The following RSBN1L variants were observed in gnomAD, a reference collection of about 807,000 sequenced individuals.
The protein encoded by RSBN1L is lysine-specific demethylase RSBN1L.
In RSBN1L, 30 loss-of-function variants were observed where a neutral mutation model predicts 67.7. That is an observed-to-expected ratio of 0.44 (90% CI 0.33 to 0.60). The LOEUF (loss-of-function observed/expected upper bound fraction) is 0.60. Ranked by LOEUF, RSBN1L falls within the 20% of genes least tolerant of loss-of-function variation. The pLI, the probability that RSBN1L is intolerant of heterozygous loss-of-function variation, is 0.02. For synonymous variants in RSBN1L, 433 were observed against 387.0 expected (o/e 1.12, Z -1.39); for missense variants, 992 against 1,031.7 (o/e 0.96, Z 0.53).
intron 6 of RSBN1L, among the ~76,000 whole-genome samples, chr7:77,775,253 G>C (rs552180519): frequency 6.6e-6 from 1 of 152,276 alleles, no homozygotes; most frequent in African/African-American, 2.4e-5. Context: ...AGGAGAAACA[G>C]GCCAGGTGCA....
At chr7:77,770,954 T>G (rs1484550604) in intron 5 of RSBN1L, among the ~76,000 whole-genome samples, 1 of 152,192 alleles carries the variant, frequency 6.6e-6, no homozygotes, top group Non-Finnish European at 1.5e-5. Flanking sequence ...TTTGTTTGTT[T>G]GTTTTTGAGA....
chr7:77,776,819 A>T (rs1481525925), intron 6 of RSBN1L, among the ~76,000 whole-genome samples: 1 of 151,944 alleles, frequency 6.6e-6, no homozygotes, highest in African/African-American at 2.4e-5. Flanking sequence ...ATGTAGATAG[A>T]TATCATATAG....
At chr7:77,764,776 G>A (rs1027139088) in intron 3 of RSBN1L, among the ~76,000 whole-genome samples, 4 of 151,894 alleles carry the variant, frequency 2.6e-5, no homozygotes, top group Non-Finnish European at 5.9e-5. Context: ...ACAGGCGCGC[G>A]CCGGCCACCA....
intron 1 of RSBN1L, among the ~76,000 whole-genome samples, chr7:77,707,717 C>G (rs1251031672): frequency 1.3e-5 from 2 of 152,090 alleles, no homozygotes; most frequent in Non-Finnish European, 2.9e-5. Context: ...CTTTGTCAAG[C>G]ACTTCTTTCT....
chr7:77,742,180 A>AAACACACACACACACACACAC (rs1554340015), intron 2 of RSBN1L, among the ~76,000 whole-genome samples: 1 of 82,178 alleles, frequency 1.2e-5, no homozygotes, highest in African/African-American at 6.2e-5. Context: ...AAAAAAAAAA[A>AAACACACACACACACACACAC]ATACACACAC....
rs1412395513 is a variant in RSBN1L, at chr7:77,780,929, T to C, written c.*1761T>C. 1 of 152,262 alleles carries C rather than the reference T, an allele frequency of 6.6e-6. No individual in the cohort carries two copies. The highest frequency in any genetic ancestry group is 2.4e-5 in the African/African-American group (1 of 41,468). The allele number at this position is 152,262 out of a possible 1,614,324, so 9.4% of individuals were successfully genotyped here. On this transcript the variant is annotated 3_prime_UTR_variant, in exon 8 of 8. Coordinates refer to ENST00000334955, the MANE Select transcript of RSBN1L (RefSeq NM_198467.3). Reference sequence around the variant, plus strand: ...TAAGAAACTCTGCTCATTGCAAATCTATTTTGTTTGTTTTTGGTATTATTC... The same window carrying C: ...TAAGAAACTCTGCTCATTGCAAATCCATTTTGTTTGTTTTTGGTATTATTC...
At chr7:77,767,305 A>G in intron 4 of RSBN1L, among the ~76,000 whole-genome samples, 1 of 147,248 alleles carries the variant, frequency 6.8e-6, no homozygotes, top group Non-Finnish European at 1.5e-5. Flanking sequence ...TTTTTTTTTT[A>G]ATTTTGTTCT....
At chr7:77,707,145 A>C (rs1353764389) in intron 1 of RSBN1L, among the ~76,000 whole-genome samples, 1 of 150,614 alleles carries the variant, frequency 6.6e-6, no homozygotes, top group Non-Finnish European at 1.5e-5. Context: ...TGCCTCAGCC[A>C]CCCAAGTAGC....
intron 3 of RSBN1L, among the ~76,000 whole-genome samples, chr7:77,752,246 TGTTTTTTACCAGTTGTG>T (rs1791564912): frequency 6.6e-6 from 1 of 152,206 alleles, no homozygotes; most frequent in African/African-American, 2.4e-5. Flanking sequence ...AGATGGATCC[TGTTTTTTACCAGTTGTG>T]GTTCTGGCCC....
At chr7:77,753,545 C>T (rs1234778600) in intron 3 of RSBN1L, among the ~76,000 whole-genome samples, 2 of 152,108 alleles carry the variant, frequency 1.3e-5, no homozygotes, top group African/African-American at 4.8e-5. Flanking sequence ...CAAATATTTC[C>T]TCTCACTTGG....
At chr7:77,732,112 T>C (rs1440532593) in intron 1 of RSBN1L, among the ~76,000 whole-genome samples, 1 of 152,206 alleles carries the variant, frequency 6.6e-6, no homozygotes, top group Non-Finnish European at 1.5e-5. Flanking sequence ...TTCTTACTTT[T>C]ATTCTGAGAA....
intron 4 of RSBN1L, among the ~76,000 whole-genome samples, chr7:77,766,399 G>T (rs1791766868): frequency 6.6e-6 from 1 of 152,120 alleles, no homozygotes; most frequent in Non-Finnish European, 1.5e-5. Flanking sequence ...TGCTCAGGCT[G>T]GTCTTGAACT....
At chr7:77,739,437 G>C (rs1584289894) in intron 2 of RSBN1L, among the ~76,000 whole-genome samples, 1 of 152,098 alleles carries the variant, frequency 6.6e-6, no homozygotes, top group East Asian at 2.0e-4. Flanking sequence ...GGTAGGCTGG[G>C]CGCAGTGTCT....
At chr7:77,747,903 C>T (rs896169177) in intron 2 of RSBN1L, among the ~76,000 whole-genome samples, 5 of 150,424 alleles carry the variant, frequency 3.3e-5, no homozygotes, top group African/African-American at 9.9e-5. Context: ...GGCATCTGCT[C>T]AGCTTCTCGG....
intron 4 of RSBN1L, 96 bp from the exon 5 acceptor site, chr7:77,768,565 G>A: frequency 9.6e-7 from 1 of 1,037,348 alleles, no homozygotes; most frequent in African/African-American, 1.7e-5. Flanking sequence ...AGCTGTGTAT[G>A]AAAGTGTGTT....
chr7:77,733,943 A>G (rs546527109), intron 1 of RSBN1L, among the ~76,000 whole-genome samples: 2 of 152,348 alleles, frequency 1.3e-5, no homozygotes, highest in East Asian at 3.9e-4. Context: ...CCTGGCCAAC[A>G]TGGCGAAACC....
At chr7:77,701,440 T>G (rs1228434493) in intron 1 of RSBN1L, among the ~76,000 whole-genome samples, 1 of 152,146 alleles carries the variant, frequency 6.6e-6, no homozygotes, top group East Asian at 1.9e-4. Context: ...GATTTCTGCA[T>G]TGGAAATAAT....
Position 77,759,392 on chromosome 7 carries a change from C to T in RSBN1L, c.1345-6103C>T, listed in dbSNP as rs79026911. Among the ~76,000 whole-genome samples the T allele has an allele frequency of 4.0e-3, 602 of 151,892 alleles. 7 individuals carry two copies. Among genetic ancestry groups the T allele is most frequent in the African/African-American group, 0.014 (587 of 41,380 alleles). ...ATACTTTCGTTCTTATTTTAGTTGC[C>T]GTTATATGGGTATTTTTGAAATAAA... On this transcript the variant is annotated intron_variant, in intron 3 of 7. Coordinates refer to ENST00000334955, the MANE Select transcript of RSBN1L (RefSeq NM_198467.3).
Position 77,778,855 on chromosome 7 carries a change from T to C in RSBN1L, c.2228T>C (p.Leu743Pro). The C allele has an allele frequency of 6.2e-7, 1 of 1,614,038 alleles. No individual in the cohort carries two copies. The change falls in exon 8 of 8, where the codon CTT (leucine) becomes CCT (proline). Residue 743 changes from leucine to proline, a missense_variant. Coordinates refer to ENST00000334955, the MANE Select transcript of RSBN1L (RefSeq NM_198467.3). ...TTGGATTCTGTTTTTTCAGATAAAC[T>C]TCATTCTAAATATGAATTACAGCAG... is the stretch of plus-strand genomic sequence containing the variant. ...ASLDSVFSDKLHSKYELQQIK... is the reference protein window; with the variant it reads ...ASLDSVFSDKPHSKYELQQIK...
Sources: gnomAD v4.1 joint callset for allele counts (sites outside exome capture counted in the v4.1 genomes callset) on GRCh38, gnomAD v4.1.1 for gene constraint, MANE v1.5 for transcripts, NCBI Gene and HGNC (gene_info 2026-07-23, HGNC 2026-07-21) for gene names.